The following LLGL1 variants were observed in gnomAD, a reference collection of about 807,000 sequenced individuals.
LLGL1 encodes LLGL scribble cell polarity complex component 1.
Under a neutral mutation model 110.6 loss-of-function variants are expected in LLGL1, and 58 were observed. The observed-to-expected ratio is 0.52, with a 90% CI of 0.42 to 0.65. The LOEUF is 0.65. Among genes scored for constraint, LLGL1 ranks in the 30% least tolerant of loss-of-function variants. LLGL1 has a pLI of 0.00. For missense variants in LLGL1, 1,229 were observed against 1,462.1 expected, an observed-to-expected ratio of 0.84 and a Z score of 2.60; for synonymous variants, 674 against 607.2, an observed-to-expected ratio of 1.11 and a Z score of -1.62.
rs2047733026 is a variant in LLGL1, at chr17:18,237,948, T to C, written c.1905-119T>C. 1.2e-5 allele frequency: 16 copies of C among 1,351,418 alleles called. No homozygotes were observed. In the South Asian group the frequency reaches 1.8e-4, roughly 15 times the overall value. The allele number at this position is 1,351,418 out of a possible 1,614,324, so 83.7% of individuals were successfully genotyped here. On this transcript the variant is annotated intron_variant, in intron 14 of 22. Transcript: ENST00000316843. The stretch of plus-strand genomic sequence containing the variant: ...TCAGTACCACCTGCAGCTGGGTCCA[T>C]AGGACTGCGCCAGAGGGGCTGTGAC...
chr17:18,242,620 T>A lies in LLGL1; in HGVS notation c.3108T>A (p.Asp1036Glu). 1 of 1,610,804 alleles carries A rather than the reference T, an allele frequency of 6.2e-7. No homozygotes were observed. Among genetic ancestry groups the A allele is most frequent in the Non-Finnish European group, 8.5e-7 (1 of 1,178,396 alleles). Residue 1036 changes from aspartate to glutamate, a missense_variant, in exon 21 of 23, where the codon GAT becomes GAA. Physicochemically the swap from Asp to Glu is conservative, Grantham distance 45. Transcript: ENST00000316843. ...ACGTCACAGTGGAAGATGTGAAGGA[T>A]TTCCTGGGGTGAGGCTGGTGGGCAG... ...TGDVTVEDVK[D>E]FLGSSEESEK...
At chr17:18,234,620 G>A in intron 7 of LLGL1, 29 bp from the exon 8 acceptor site, 2 of 1,613,260 alleles carry the variant, frequency 1.2e-6, no homozygotes, top group South Asian at 1.1e-5. Context: ...CCACCAGTGA[G>A]TCTGGTCTGA....
At chr17:18,241,777 C>T (rs2047838497) in intron 18 of LLGL1, 62 bp downstream of exon 18, 2 of 1,607,776 alleles carry the variant, frequency 1.2e-6, no homozygotes, top group African/African-American at 1.3e-5. Context: ...GGGACCAGTA[C>T]TGCTTGGGAG....
chr17:18,243,462 G>C (rs906751842), intron 22 of LLGL1, among the ~76,000 whole-genome samples: 1 of 152,238 alleles, frequency 6.6e-6, no homozygotes, highest in Non-Finnish European at 1.5e-5. Flanking sequence ...TTGGGAGCTG[G>C]TTTGGCCAGC....
At chr17:18,227,991 G>T (rs1333545947) in intron 1 of LLGL1, among the ~76,000 whole-genome samples, 2 of 152,188 alleles carry the variant, frequency 1.3e-5, no homozygotes. Flanking sequence ...TCAAATCCCA[G>T]TCCAGCCCAC....
At chr17:18,226,036 G>T (rs1442439362) in intron 1 of LLGL1, among the ~76,000 whole-genome samples, 1 of 152,086 alleles carries the variant, frequency 6.6e-6, no homozygotes, top group Non-Finnish European at 1.5e-5. Context: ...CTGTGTGTGT[G>T]GGGGTCTGTC....
At chr17:18,242,043 G>A (rs1435812883) in intron 19 of LLGL1, 44 bp downstream of exon 19, 1 of 1,574,080 alleles carries the variant, frequency 6.4e-7, no homozygotes, top group Non-Finnish European at 8.7e-7. Flanking sequence ...CTGTGCCCAG[G>A]GCCAGGTCTC....
At position 18,229,978 on chromosome 17, in the gene LLGL1, T is replaced by C. The variant is rs1371355472; in HGVS notation, c.119T>C (p.Leu40Pro). ...GGCTTCCCCAATCAGCCCAGCGCCC[T>C]GGCCTTCGACCCGGAACTTCGCATC... ...EHGFPNQPSA[L>P]AFDPELRIMA... The change falls in exon 2 of 23, where the codon CTG (leucine) becomes CCG (proline). Residue 40 changes from leucine to proline, a missense_variant. By Grantham distance (98) the Leu-to-Pro change is moderately conservative. Transcript: ENST00000316843. 1 of 1,612,276 alleles carries C rather than the reference T, an allele frequency of 6.2e-7. No homozygotes were observed. Among genetic ancestry groups the C allele is most frequent in the Non-Finnish European group, 8.5e-7 (1 of 1,179,762 alleles).
In LLGL1 at chr17:18,242,702, C is replaced by T. The variant is rs374706462; in HGVS notation, c.3117-41C>T. On this transcript the variant is annotated intron_variant, in intron 21 of 22. Transcript: ENST00000316843. Reference sequence around the variant, plus strand: ...CCTCCGTCCCCAGGGCTGCCAGGGGCTCCCCCGCCCCCACCCCTGAGCACC... The same window carrying T: ...CCTCCGTCCCCAGGGCTGCCAGGGGTTCCCCCGCCCCCACCCCTGAGCACC... 64 of 1,561,218 alleles carry T rather than the reference C, an allele frequency of 4.1e-5. No homozygotes were observed. In the African/African-American group the frequency reaches 7.1e-4, roughly 17 times the overall value.
chr17:18,234,710 C>T lies in LLGL1; in HGVS notation c.905+7C>T, dbSNP rs759975620. ...GGCGGAACTGTGAATCTGGGTAGGT[C>T]GAGGGAGTGGGTGTCCGATGTGAGT... On this transcript the variant is annotated splice_region_variant and intron_variant, in intron 8 of 22. Coordinates refer to ENST00000316843, the MANE Select transcript of LLGL1 (RefSeq NM_004140.4). The T allele has an allele frequency of 3.1e-6, 5 of 1,614,030 alleles. No individual in the cohort carries two copies. The highest frequency in any genetic ancestry group is 1.6e-4 in the Middle Eastern group (1 of 6,062).
Position 18,237,787 on chromosome 17 carries a change from G to A in LLGL1, c.1904+14G>A. On this transcript the variant is annotated intron_variant, in intron 14 of 22. Transcript: ENST00000316843. The stretch of plus-strand genomic sequence containing the variant: ...TGTGCTGGCCAGGTGTGTGGGGTGG[G>A]GCCGGCTGGGCAGTTGGAGCCCCCA... 1 of 1,589,434 alleles carries A rather than the reference G, an allele frequency of 6.3e-7. No individual in the cohort carries two copies. The highest frequency in any genetic ancestry group is 8.6e-7 in the Non-Finnish European group (1 of 1,165,108).
rs753825556 is a variant in LLGL1 at position 18,225,671 on chromosome 17, G to C, written c.-12G>C. ...GGCGGCGGCGGGCGAGGCGCCTGCA[G>C]CCGGGCGCAAGATGATGAAGTTTCG... On this transcript the variant is annotated 5_prime_UTR_variant, in exon 1 of 23. Transcript: ENST00000316843. 1 of 1,002,316 alleles carries C rather than the reference G, an allele frequency of 1.0e-6. No individual in the cohort carries two copies. The highest frequency in any genetic ancestry group is 1.8e-5 in the African/African-American group (1 of 56,942). The allele number at this position is 1,002,316 out of a possible 1,614,324, so 62.1% of individuals were successfully genotyped here. A position where few individuals can be genotyped will look rare whatever the true frequency, so the allele number is the denominator to read the frequency against.
At chr17:18,243,808 A>G (rs2047913854) in intron 22 of LLGL1, 100 bp from the exon 23 acceptor site, 3 of 152,272 alleles carry the variant, frequency 2.0e-5, no homozygotes. Context: ...CCTGCAGAGG[A>G]GACAGTGGCA....
At chr17:18,236,427 G>C in intron 11 of LLGL1, 180 bp from the exon 12 acceptor site, 1 of 616,608 alleles carries the variant, frequency 1.6e-6, no homozygotes, top group Non-Finnish European at 2.8e-6. Context: ...GCCTATAACA[G>C]GTGCACAGTG....
At chr17:18,235,430 G>C (rs376248216) in intron 10 of LLGL1, 40 bp from the exon 11 acceptor site, 1 of 1,612,474 alleles carries the variant, frequency 6.2e-7, no homozygotes, top group Admixed American at 1.7e-5. Context: ...GAAGATGTTC[G>C]TCCTAACCTT....
chr17:18,240,547 G>A lies in LLGL1; in HGVS notation c.2207-31G>A. On this transcript the variant is annotated intron_variant, in intron 16 of 22. Coordinates refer to ENST00000316843, the MANE Select transcript of LLGL1 (RefSeq NM_004140.4). This position sits in a 1 kb window ranked among gnomAD's most constrained non-coding sequence, Gnocchi z 5.3. ...CCAGGGGAGATGCCTGGCCCACAGGGAGCACCCTCCTACGCGCTTGTTTTC... is the reference window on the plus strand; with the variant it reads ...CCAGGGGAGATGCCTGGCCCACAGGAAGCACCCTCCTACGCGCTTGTTTTC... 5 of 1,553,338 alleles carry A rather than the reference G, an allele frequency of 3.2e-6. No individual in the cohort carries two copies. The highest frequency in any genetic ancestry group is 4.4e-6 in the Non-Finnish European group (5 of 1,146,624).
chr17:18,229,958 C>T lies in LLGL1; in HGVS notation c.99C>T (p.Phe33=). Residue 33 remains phenylalanine (F), a synonymous_variant, in exon 2 of 23, where the codon TTC becomes TTT. Transcript: ENST00000316843. The part of the protein sequence containing the change: ...FAFNKTVEHG[F]PNQPSALAFD... The stretch of plus-strand genomic sequence containing the variant: ...CCTTGCAGACTGTGGAGCATGGCTT[C>T]CCCAATCAGCCCAGCGCCCTGGCCT... The T allele has an allele frequency of 6.2e-7, 1 of 1,610,288 alleles. No homozygotes were observed. The highest frequency in any genetic ancestry group is 8.5e-7 in the Non-Finnish European group (1 of 1,179,008).
chr17:18,235,358 A>G, intron 10 of LLGL1, 46 bp downstream of exon 10: 7 of 1,604,906 alleles, frequency 4.4e-6, no homozygotes, highest in Non-Finnish European at 6.0e-6. Flanking sequence ...AGTCTTGAGG[A>G]GGGGGAGAGT....
In LLGL1 at chr17:18,235,484, T is replaced by C. The variant is rs140863110; in HGVS notation, c.1299T>C (p.Thr433=). The C allele has an allele frequency of 1.9e-5, 31 of 1,613,876 alleles. No homozygotes were observed. Among genetic ancestry groups the C allele is most frequent in the Non-Finnish European group, 2.5e-5 (29 of 1,179,992 alleles). ...PVSSALSWPI[T]GGRNLAQEPS... ...CCCCCTCCCAGAGCTGGCCCATCAC[T>C]GGGGGCCGAAACCTGGCCCAGGAGC... is the stretch of plus-strand genomic sequence containing the variant. Residue 433 remains threonine, a synonymous_variant, in exon 11 of 23, where the codon ACT becomes ACC. Transcript: ENST00000316843.
Sources: allele counts gnomAD v4.1 joint callset (sites outside exome capture counted in the v4.1 genomes callset), GRCh38; gene constraint gnomAD v4.1.1; non-coding constraint Gnocchi (gnomAD v3.1); transcripts MANE v1.5; gene names NCBI Gene and HGNC (gene_info 2026-07-23, HGNC 2026-07-21).